Variants in CD207 observed in about 807,000 individuals in gnomAD.
CD207 encodes C-type lectin domain family 4 member K.
CD207 carries 28 observed loss-of-function variants against 31.6 expected under a neutral mutation model. That is an observed-to-expected ratio of 0.89 (90% CI 0.66 to 1.21). CD207 has a LOEUF of 1.21. Among genes scored for constraint, CD207 ranks in the 50% most tolerant of loss-of-function variants. The probability of loss-of-function intolerance (pLI) is 0.00; values close to 1 mark genes in which losing one functional copy is unlikely to be tolerated. For synonymous variants in CD207, 168 were observed against 153.9 expected, an observed-to-expected ratio of 1.09 and a Z score of -0.68; for missense variants, 388 against 397.8, an observed-to-expected ratio of 0.98 and a Z score of 0.21.
intron 3 of CD207, among the ~76,000 whole-genome samples, chr2:70,833,346 A>G (rs377469526): frequency 1.1e-3 from 166 of 152,238 alleles, no homozygotes; most frequent in African/African-American, 3.8e-3. Context: ...GAGCCCCTGG[A>G]CTCTAGAAAG....
chr2:70,833,864 A>G lies in CD207; in HGVS notation c.347T>C (p.Leu116Pro). ...CAGGAACTGAGAACGCACATAACCC[A>G]GGCTCTCATTCACCATCTGGATCTG... is the stretch of plus-strand genomic sequence containing the variant. ...GVQIQMVNES[L>P]GYVRSQFLKL... Residue 116 changes from leucine to proline, a missense_variant, in exon 3 of 6, where the codon CTG (leucine) becomes CCG (proline). Coordinates refer to ENST00000410009, the MANE Select transcript of CD207 (RefSeq NM_015717.5). 1 of 1,613,640 alleles carries G rather than the reference A, an allele frequency of 6.2e-7. No individual in the cohort carries two copies. Among genetic ancestry groups the G allele is most frequent in the Non-Finnish European group, 8.5e-7 (1 of 1,179,604 alleles).
At chr2:70,829,962 T>C (rs868939386), downstream of CD207, among the ~76,000 whole-genome samples, 5 of 152,138 alleles carry the variant, frequency 3.3e-5, no homozygotes, top group Non-Finnish European at 4.4e-5. Flanking sequence ...GACTAGAAGA[T>C]TGTGCAGTAA....
At position 70,835,179 on chromosome 2, in the gene CD207, G is replaced by A. The variant is rs1553400763; in HGVS notation, c.190+312C>T. On this transcript the variant is annotated intron_variant, in intron 2 of 5. Coordinates refer to ENST00000410009, the MANE Select transcript of CD207 (RefSeq NM_015717.5). Reference sequence around the variant, plus strand: ...GGAGCAGAGCTCAGATTGGTGGGGGGTGGACGGGGAGAAAATAGCACAGGA... The same window carrying A: ...GGAGCAGAGCTCAGATTGGTGGGGGATGGACGGGGAGAAAATAGCACAGGA... 2.6e-5 allele frequency among the ~76,000 whole-genome samples: 4 copies of A among 152,236 alleles called. 1 individual carries two copies. In the South Asian group the frequency reaches 8.3e-4, roughly 32 times the overall value.
chr2:70,825,708 T>C (rs1274375606), downstream of CD207, among the ~76,000 whole-genome samples: 1 of 152,060 alleles, frequency 6.6e-6, no homozygotes, highest in African/African-American at 2.4e-5. Context: ...ACGGCTAAGT[T>C]TTGTATTTTT....
chr2:70,832,310 C>CTTG (rs571038996), intron 4 of CD207, among the ~76,000 whole-genome samples: 187 of 152,234 alleles, frequency 1.2e-3, no homozygotes, highest in African/African-American at 4.2e-3. Flanking sequence ...AGTTAGATGG[C>CTTG]AAGGTTCAGG....
downstream of CD207, among the ~76,000 whole-genome samples, chr2:70,825,246 G>T (rs933847803): frequency 2.0e-5 from 3 of 152,252 alleles, no homozygotes; most frequent in Middle Eastern, 0.01. Flanking sequence ...CAAAAACAAG[G>T]AAAGACTGAG....
downstream of CD207, among the ~76,000 whole-genome samples, chr2:70,827,011 A>G (rs1056943745): frequency 2.6e-5 from 4 of 152,122 alleles, no homozygotes; most frequent in Non-Finnish European, 5.9e-5. Context: ...AAGGCCCTCC[A>G]ACAGCTGCCT....
chr2:70,830,917 T>A lies in CD207; in HGVS notation c.*133A>T. 2.7e-6 allele frequency: 2 copies of A among 752,468 alleles called. No individual in the cohort carries two copies. The highest frequency in any genetic ancestry group is 2.9e-5 in the East Asian group (1 of 34,968). The allele number at this position is 752,468 out of a possible 1,614,324, so 46.6% of individuals were successfully genotyped here. A position where few individuals can be genotyped will look rare whatever the true frequency, so the allele number is the denominator to read the frequency against. On this transcript the variant is annotated 3_prime_UTR_variant, in exon 6 of 6. Transcript: ENST00000410009. Reference sequence around the variant, plus strand: ...CAGCCAAGACAGACGGACTCCAGAATGCCACTGTGGGACAATTTTGAAGCA... The same window carrying A: ...CAGCCAAGACAGACGGACTCCAGAAAGCCACTGTGGGACAATTTTGAAGCA...
At position 70,832,946 on chromosome 2, in the gene CD207, A is replaced by G. The variant is rs1677514458; in HGVS notation, c.671T>C (p.Val224Ala). 1 of 1,613,922 alleles carries G rather than the reference A, an allele frequency of 6.2e-7. No individual in the cohort carries two copies. The highest frequency in any genetic ancestry group is 1.7e-5 in the Admixed American group (1 of 60,004). The change falls in exon 4 of 6, where the codon GTG becomes GCG. Residue 224 changes from valine (V) to alanine (A), a missense_variant. Transcript: ENST00000410009. ...KTWYSAEQFC[V>A]SRNSHLTSVT... ...CGAGGTCAGGTGTGAATTCCTGGAC[A>G]CACAGAACTGCTCGGCACTATACCA...
Position 70,833,730 on chromosome 2 carries a change from A to C in CD207, c.481T>G (p.Leu161Val), listed in dbSNP as rs1553400296. 7 of 1,613,898 alleles carry C rather than the reference A, an allele frequency of 4.3e-6. No homozygotes were observed. The East Asian group carries it at 1.6e-4, about 36-fold the overall frequency. Residue 161 changes from leucine to valine, a missense_variant, in exon 3 of 6, where the codon TTG (leucine) becomes GTG (valine). Physicochemically the swap from Leu to Val is conservative, Grantham distance 32. Transcript: ENST00000410009. ...NAQIPELKSD[L>V]EKASALNTKI... The stretch of plus-strand genomic sequence containing the variant: ...GTATTTAAAGCACTGGCTTTCTCCA[A>C]ATCACTTTTTAACTCTGGGATTTGG...
downstream of CD207, among the ~76,000 whole-genome samples, chr2:70,825,289 C>T (rs1677318054): frequency 6.6e-6 from 1 of 152,102 alleles, no homozygotes; most frequent in African/African-American, 2.4e-5. Flanking sequence ...CCCAAGGAGA[C>T]ATGATGGCTA....
chr2:70,834,448 A>C (rs974657795), intron 2 of CD207, among the ~76,000 whole-genome samples: 2 of 151,774 alleles, frequency 1.3e-5, no homozygotes, highest in Admixed American at 6.6e-5. Flanking sequence ...AAACCCCTGC[A>C]GTGGCCATCT....
At chr2:70,826,428 A>G (rs7560885), downstream of CD207, among the ~76,000 whole-genome samples, 102,698 of 151,910 alleles carry the variant, frequency 0.68, 34,908 homozygotes, top group Middle Eastern at 0.76. Flanking sequence ...CCAGGCTAGA[A>G]TGCAGTGGTG....
chr2:70,831,896 G>A, intron 4 of CD207, 77 bp from the exon 5 acceptor site: 1 of 964,748 alleles, frequency 1.0e-6, no homozygotes, highest in Non-Finnish European at 1.7e-6. Flanking sequence ...TTCTTCACCT[G>A]CGCTCAGTGA....
At chr2:70,829,370 T>G (rs1677415411), downstream of CD207, among the ~76,000 whole-genome samples, 1 of 152,204 alleles carries the variant, frequency 6.6e-6, no homozygotes, top group Non-Finnish European at 1.5e-5. Context: ...CAGGGCCACA[T>G]GGGGTCACCC....
In CD207 at chr2:70,831,111, G is replaced by A; in HGVS notation, c.926C>T (p.Ala309Val). 1.9e-6 allele frequency: 3 copies of A among 1,613,800 alleles called. No individual in the cohort carries two copies. The highest frequency in any genetic ancestry group is 1.1e-5 in the South Asian group (1 of 91,064). The stretch of plus-strand genomic sequence containing the variant: ...GAAAAGAAACGTTTTGTCACATGGG[G>A]CATCATTCCAGGCCTGAAGTGAGGG... ...KAPSLQAWND[A>V]PCDKTFLFIC... Residue 309 changes from alanine (A) to valine (V), a missense_variant, in exon 6 of 6, where the codon GCC becomes GTC. Physicochemically the swap from Ala to Val is moderately conservative, Grantham distance 64. Transcript: ENST00000410009.
Position 70,833,961 on chromosome 2 carries a change from G to A in CD207, c.250C>T (p.Arg84Cys), listed in dbSNP as rs1553400452. The change falls in exon 3 of 6, where the codon CGT becomes TGT. Residue 84 changes from arginine (R) to cysteine (C), a missense_variant. Arg to Cys is a radical substitution (Grantham distance 180). Transcript: ENST00000410009. Reference sequence around the variant, plus strand: ...TCCAGGGTGCTGATGTTGTCCACACGACCTTTCAGCAACTGGACATTGGTC... The same window carrying A: ...TCCAGGGTGCTGATGTTGTCCACACAACCTTTCAGCAACTGGACATTGGTC... ...VKTNVQLLKGRVDNISTLDSE... is the reference protein window; with the variant it reads ...VKTNVQLLKGCVDNISTLDSE... 9.1e-6 allele frequency: 14 copies of A among 1,544,644 alleles called. No individual in the cohort carries two copies. Among genetic ancestry groups the A allele is most frequent in the South Asian group, 2.6e-5 (2 of 77,520 alleles).
At position 70,834,154 on chromosome 2, in the gene CD207, C is replaced by A. The variant is rs1415275039; in HGVS notation, c.191-134G>T. ...AGAACCAAGACAGTCCAATGGGCCACCCCAACCCTCCAATCATTCATTAAC... is the reference window on the plus strand; with the variant it reads ...AGAACCAAGACAGTCCAATGGGCCAACCCAACCCTCCAATCATTCATTAAC... On this transcript the variant is annotated intron_variant, in intron 2 of 5. Coordinates refer to ENST00000410009, the MANE Select transcript of CD207 (RefSeq NM_015717.5). 1.0e-5 allele frequency: 7 copies of A among 672,782 alleles called. No individual in the cohort carries two copies. The African/African-American group carries it at 1.1e-4, about 10-fold the overall frequency. The allele number at this position is 672,782 out of a possible 1,614,324, so 41.7% of individuals were successfully genotyped here. A position where few individuals can be genotyped will look rare whatever the true frequency, so the allele number is the denominator to read the frequency against.
chr2:70,826,973 A>G (rs2104694541), downstream of CD207, among the ~76,000 whole-genome samples: 1 of 152,270 alleles, frequency 6.6e-6, no homozygotes, highest in African/African-American at 2.4e-5. Flanking sequence ...TCCTTCACAT[A>G]AAATCCAAAA....
Sources: gnomAD v4.1 joint callset for allele counts (sites outside exome capture counted in the v4.1 genomes callset) on GRCh38, gnomAD v4.1.1 for gene constraint, MANE v1.5 for transcripts, NCBI Gene and HGNC (gene_info 2026-07-23, HGNC 2026-07-21) for gene names.